The following CDH18 variants were observed in gnomAD, a reference collection of about 807,000 sequenced individuals.
CDH18 encodes the protein cadherin-18.
CDH18 carries 31 observed loss-of-function variants against 67.9 expected under a neutral mutation model. The observed-to-expected ratio is 0.46, with a 90% CI of 0.34 to 0.62. The LOEUF is 0.62. Among genes scored for constraint, CDH18 ranks in the 20% least tolerant of loss-of-function variants. The pLI is 0.01. For synonymous variants in CDH18, 362 were observed against 347.2 expected, an observed-to-expected ratio of 1.04 and a Z score of -0.48; for missense variants, 890 against 975.5, an observed-to-expected ratio of 0.91 and a Z score of 1.17.
At chr5:19,725,332 G>C (rs1766692612) in intron 4 of CDH18, among the ~76,000 whole-genome samples, 1 of 152,148 alleles carries the variant, frequency 6.6e-6, no homozygotes, top group Non-Finnish European at 1.5e-5. Context: ...ACGACTAAAA[G>C]TTGGTTTTGA....
intron 5 of CDH18, among the ~76,000 whole-genome samples, chr5:19,677,227 G>A (rs1759625336): frequency 1.3e-5 from 2 of 152,176 alleles, no homozygotes; most frequent in Non-Finnish European, 2.9e-5. Flanking sequence ...AACCATACAA[G>A]CCAGAAGCGA....
At chr5:19,819,856 C>T (rs545613503) in intron 3 of CDH18, among the ~76,000 whole-genome samples, 1 of 152,228 alleles carries the variant, frequency 6.6e-6, no homozygotes, top group South Asian at 2.1e-4. Context: ...TTTACAAAAC[C>T]CCTTTTTAGC....
chr5:20,172,976 G>A (rs1736952392), intron 2 of CDH18, among the ~76,000 whole-genome samples: 1 of 131,472 alleles, frequency 7.6e-6, no homozygotes, highest in Non-Finnish European at 1.6e-5. Context: ...GGCAACAAGA[G>A]TGAAACTCCG....
intron 1 of CDH18, among the ~76,000 whole-genome samples, chr5:20,281,601 G>C (rs1746281584): frequency 6.6e-6 from 1 of 152,088 alleles, no homozygotes; most frequent in South Asian, 2.1e-4. Flanking sequence ...TGCTGTTTTG[G>C]TTACTGTAGC....
At chr5:19,650,482 ATAT>A (rs1281142373) in intron 5 of CDH18, among the ~76,000 whole-genome samples, 7 of 152,120 alleles carry the variant, frequency 4.6e-5, no homozygotes, top group Non-Finnish European at 7.4e-5. Context: ...GCAAAAGCTA[ATAT>A]TAATAATAGG....
intron 3 of CDH18, among the ~76,000 whole-genome samples, chr5:19,813,315 G>T (rs1430876332): frequency 2.0e-5 from 3 of 151,570 alleles, no homozygotes; most frequent in Admixed American, 6.6e-5. Flanking sequence ...AGGCACAATG[G>T]AATAAAACCA....
At chr5:20,164,584 T>C (rs776356566) in intron 2 of CDH18, among the ~76,000 whole-genome samples, 15 of 152,160 alleles carry the variant, frequency 9.9e-5, no homozygotes, top group Non-Finnish European at 2.2e-4. Context: ...CCAGTGTTTC[T>C]TAAGTGATAC....
At chr5:19,552,062 T>A (rs770343640) in intron 8 of CDH18, among the ~76,000 whole-genome samples, 2 of 152,142 alleles carry the variant, frequency 1.3e-5, no homozygotes, top group Non-Finnish European at 2.9e-5. Flanking sequence ...TTTGTAAATA[T>A]GTTGGTAGCA....
Position 20,302,050 on chromosome 5 carries a change from A to G in CDH18, c.-579-46545T>C, listed in dbSNP as rs569666171. 2.6e-5 allele frequency among the ~76,000 whole-genome samples: 4 copies of G among 152,316 alleles called. No individual in the cohort carries two copies. In the South Asian group the frequency reaches 8.3e-4, roughly 32 times the overall value. ...TGGATACACAGGTTTTAAGAAAAAA[A>G]AGGCCACTGGGATACTTAGTATTTG... On this transcript the variant is annotated intron_variant, in intron 1 of 14. Transcript: ENST00000507958.
intron 11 of CDH18, among the ~76,000 whole-genome samples, chr5:19,502,393 T>A (rs971788531): frequency 1.3e-5 from 2 of 152,130 alleles, no homozygotes; most frequent in Admixed American, 1.3e-4. Context: ...AAAGAGGACA[T>A]CTAAATAATG....
At chr5:19,894,937 G>A (rs925510034) in intron 2 of CDH18, among the ~76,000 whole-genome samples, 1 of 152,266 alleles carries the variant, frequency 6.6e-6, no homozygotes, top group Non-Finnish European at 1.5e-5. Context: ...GATGTACACA[G>A]ATAATTCTGT....
chr5:19,832,637 C>A (rs904113834), intron 3 of CDH18, among the ~76,000 whole-genome samples: 2 of 152,072 alleles, frequency 1.3e-5, no homozygotes, highest in African/African-American at 4.8e-5. Context: ...CTTAGGTTTT[C>A]TTCTAAGATT....
chr5:20,438,463 G>A lies in CDH18; in HGVS notation c.-580+136999C>T, dbSNP rs16887309. 7.3e-3 allele frequency among the ~76,000 whole-genome samples: 1,098 copies of A among 151,398 alleles called. 31 individuals carry two copies. The highest frequency in any genetic ancestry group is 0.025 in the African/African-American group (1,040 of 41,182). ...TTTAGCTGTTAAGCTGACCTAAACT[G>A]TAAAATTCATTCATCAAATTAACAA... On this transcript the variant is annotated intron_variant, in intron 1 of 14. Transcript: ENST00000507958.
chr5:20,008,730 C>T (rs77849218), intron 2 of CDH18, among the ~76,000 whole-genome samples: 4,954 of 152,160 alleles, frequency 0.033, 269 homozygotes, highest in African/African-American at 0.11. Flanking sequence ...AATTTATGCC[C>T]GGCCTATGCT....
intron 2 of CDH18, among the ~76,000 whole-genome samples, chr5:20,039,866 G>A (rs185350849): frequency 1.4e-3 from 220 of 152,236 alleles, no homozygotes; most frequent in African/African-American, 5.1e-3. Context: ...TTAAACTAAA[G>A]AGCTTCTGCA....
intron 1 of CDH18, among the ~76,000 whole-genome samples, chr5:20,500,315 A>G (rs1328896678): frequency 1.3e-5 from 2 of 152,144 alleles, no homozygotes; most frequent in South Asian, 4.1e-4. Context: ...ATTTTAGGAA[A>G]ATAGAAATTG....
intron 2 of CDH18, among the ~76,000 whole-genome samples, chr5:20,019,655 C>G (rs1036439703): frequency 6.6e-6 from 1 of 152,208 alleles, no homozygotes; most frequent in Non-Finnish European, 1.5e-5. Context: ...AGCCATGCTT[C>G]CTGTACAGGC....
chr5:19,784,007 G>A (rs1485931182), intron 3 of CDH18, among the ~76,000 whole-genome samples: 1 of 152,044 alleles, frequency 6.6e-6, no homozygotes, highest in South Asian at 2.1e-4. Context: ...TTTTATAGAT[G>A]AGTAAAAACA....
At chr5:20,085,734 C>A (rs1026958338) in intron 2 of CDH18, among the ~76,000 whole-genome samples, 10 of 152,134 alleles carry the variant, frequency 6.6e-5, no homozygotes, top group African/African-American at 2.4e-4. Context: ...CTTTTTAAAA[C>A]CATCAAATCT....
Sources: gnomAD v4.1 joint callset for allele counts (sites outside exome capture counted in the v4.1 genomes callset) on GRCh38, gnomAD v4.1.1 for gene constraint, MANE v1.5 for transcripts, NCBI Gene and HGNC (gene_info 2026-07-23, HGNC 2026-07-21) for gene names.